LOXL2: variants seen among roughly 807,000 people sequenced by gnomAD.
The protein encoded by LOXL2 is lysyl oxidase homolog 2.
LOXL2 carries 70 observed loss-of-function variants against 93.0 expected under a neutral mutation model. That is an observed-to-expected ratio of 0.75 (90% CI 0.62 to 0.92). LOXL2 has a LOEUF of 0.92. Among genes scored for constraint, LOXL2 ranks in the 40% least tolerant of loss-of-function variants. The pLI, the probability that LOXL2 is intolerant of heterozygous loss-of-function variation, is 0.00. For synonymous variants in LOXL2, 438 were observed against 413.2 expected (o/e 1.06, Z -0.73); for missense variants, 973 against 1,054.9 (o/e 0.92, Z 1.08).
intron 1 of LOXL2, among the ~76,000 whole-genome samples, chr8:23,371,863 G>A (rs1361240628): frequency 6.6e-6 from 1 of 151,530 alleles, no homozygotes; most frequent in East Asian, 1.9e-4. Flanking sequence ...TGTTGTCTGG[G>A]AAGTGGTAAA....
chr8:23,351,375 C>A (rs1209078450), intron 3 of LOXL2, among the ~76,000 whole-genome samples: 1 of 152,202 alleles, frequency 6.6e-6, no homozygotes. Flanking sequence ...AGGCTTCCTC[C>A]AGCCCAGCTC....
intron 9 of LOXL2, among the ~76,000 whole-genome samples, chr8:23,314,912 A>G (rs1803370358): frequency 6.6e-6 from 1 of 152,254 alleles, no homozygotes; most frequent in South Asian, 2.1e-4. Flanking sequence ...CTGCGGCACC[A>G]CGGAGGGTCA....
At chr8:23,333,671 C>A in intron 4 of LOXL2, 48 bp from the exon 5 acceptor site, 2 of 1,471,898 alleles carry the variant, frequency 1.4e-6, no homozygotes, top group Non-Finnish European at 1.9e-6. Flanking sequence ...ATGACGCCTA[C>A]CCCGATTCCT....
Position 23,297,912 on chromosome 8 carries a change from T to A in LOXL2, c.*131A>T. ...TTCCTCCTGAGCTTAGACACAGCTG[T>A]AGGGGTCTGGACAGGGTGGGGGCCG... On this transcript the variant is annotated 3_prime_UTR_variant, in exon 14 of 14. Transcript: ENST00000389131. 1 of 684,750 alleles carries A rather than the reference T, an allele frequency of 1.5e-6. No individual in the cohort carries two copies. Among genetic ancestry groups the A allele is most frequent in the South Asian group, 1.8e-5 (1 of 56,456 alleles). 42.4% of individuals were successfully genotyped at this position (684,750 alleles called of 1,614,324 possible).
intron 8 of LOXL2, among the ~76,000 whole-genome samples, chr8:23,317,999 C>T (rs7829597): frequency 0.56 from 84,197 of 151,610 alleles, 25,719 homozygotes; most frequent in Non-Finnish European, 0.69. Context: ...GTTCATTTTA[C>T]GTGTCAACTT....
intron 3 of LOXL2, among the ~76,000 whole-genome samples, chr8:23,353,004 G>GGTGGA (rs1804120115): frequency 7.1e-6 from 1 of 141,082 alleles, no homozygotes; most frequent in Non-Finnish European, 1.6e-5. Flanking sequence ...GGTGGGGTGG[G>GGTGGA]GTGGGGAGGG....
intron 9 of LOXL2, among the ~76,000 whole-genome samples, chr8:23,316,293 G>C (rs181811694): frequency 1.6e-4 from 24 of 152,312 alleles, no homozygotes; most frequent in Admixed American, 3.3e-4. Context: ...GGCAGGGTCT[G>C]GTCTCAAGTT....
At chr8:23,351,907 C>T (rs1275746252) in intron 3 of LOXL2, among the ~76,000 whole-genome samples, 4 of 152,148 alleles carry the variant, frequency 2.6e-5, no homozygotes, top group Non-Finnish European at 5.9e-5. Context: ...GTGGCTGCAA[C>T]CTCTACCTCC....
chr8:23,306,253 A>G (rs1803227688), intron 10 of LOXL2, among the ~76,000 whole-genome samples: 1 of 152,180 alleles, frequency 6.6e-6, no homozygotes. Flanking sequence ...GGCCCCAATG[A>G]AACTCCCAGT....
At position 23,368,125 on chromosome 8, in the gene LOXL2, T is replaced by C. The variant is rs371370678; in HGVS notation, c.227A>G (p.Tyr76Cys). The change falls in exon 2 of 14, where the codon TAT becomes TGT. Residue 76 changes from tyrosine to cysteine, a missense_variant. Tyr to Cys is a radical substitution (Grantham distance 194). Coordinates refer to ENST00000389131, the MANE Select transcript of LOXL2 (RefSeq NM_002318.3). Reference protein sequence around the residue: ...KHSEGRVEVYYDGQWGTVCDD... With the variant: ...KHSEGRVEVYCDGQWGTVCDD... ...GCACACGGTGCCCCACTGGCCATCA[T>C]AGTACACCTCCACCCGGCCCTCGCT... is the stretch of plus-strand genomic sequence containing the variant. 7.4e-6 allele frequency: 12 copies of C among 1,614,114 alleles called. No homozygotes were observed. The highest frequency in any genetic ancestry group is 6.7e-5 in the African/African-American group (5 of 75,068).
chr8:23,337,627 C>T (rs559495749), intron 4 of LOXL2, among the ~76,000 whole-genome samples: 1 of 152,302 alleles, frequency 6.6e-6, no homozygotes, highest in Non-Finnish European at 1.5e-5. Context: ...TCCTCAGCTG[C>T]AACATTAAAT....
chr8:23,339,486 G>C (rs73545990), intron 4 of LOXL2, among the ~76,000 whole-genome samples: 208 of 152,334 alleles, frequency 1.4e-3, no homozygotes, highest in African/African-American at 4.8e-3. Flanking sequence ...ACTGGCCTGA[G>C]ATCAACTCCT....
intron 3 of LOXL2, among the ~76,000 whole-genome samples, chr8:23,347,917 C>T (rs1422617745): frequency 6.6e-6 from 1 of 152,116 alleles, no homozygotes; most frequent in East Asian, 1.9e-4. Flanking sequence ...ATGTTTACTG[C>T]AGCACTATTC....
chr8:23,392,137 G>A (rs1804854252), intron 1 of LOXL2, among the ~76,000 whole-genome samples: 2 of 152,216 alleles, frequency 1.3e-5, no homozygotes, highest in South Asian at 4.1e-4. Flanking sequence ...TCCTATGACA[G>A]CCAAACCCAG....
intron 5 of LOXL2, chr8:23,331,470 G>C (rs1803676080): frequency 6.6e-6 from 1 of 152,220 alleles, no homozygotes; most frequent in African/African-American, 2.4e-5. Context: ...AGCAAACAGT[G>C]CACTAAGTAC....
chr8:23,341,781 C>T (rs1006828246), intron 3 of LOXL2, among the ~76,000 whole-genome samples: 12 of 152,162 alleles, frequency 7.9e-5, no homozygotes, highest in Non-Finnish European at 1.6e-4. Context: ...TTAGAGAGGC[C>T]TGAGAGAAGA....
intron 9 of LOXL2, among the ~76,000 whole-genome samples, chr8:23,314,464 T>TA (rs1422417707): frequency 1.6e-5 from 2 of 126,638 alleles, no homozygotes; most frequent in Non-Finnish European, 3.4e-5. Context: ...TATGCAGCCA[T>TA]AAAAAATGAT....
At chr8:23,386,109 G>T in intron 1 of LOXL2, 1 of 752,054 alleles carries the variant, frequency 1.3e-6, no homozygotes, top group African/African-American at 1.7e-5. Context: ...GCTAAAAAGT[G>T]ATCAAGCTGG....
At chr8:23,397,539 G>A (rs1389461235) in intron 1 of LOXL2, among the ~76,000 whole-genome samples, 1 of 152,122 alleles carries the variant, frequency 6.6e-6, no homozygotes, top group Admixed American at 6.5e-5. Flanking sequence ...AGCACTTTGG[G>A]AGGCCCAGGC....
Sources: gnomAD v4.1 joint callset for allele counts (sites outside exome capture counted in the v4.1 genomes callset) on GRCh38, gnomAD v4.1.1 for gene constraint, MANE v1.5 for transcripts, NCBI Gene and HGNC (gene_info 2026-07-23, HGNC 2026-07-21) for gene names.